The following GRM4 variants were observed in gnomAD, a reference collection of about 807,000 sequenced individuals.
GRM4 encodes the protein glutamate metabotropic receptor 4, also known as metabotropic glutamate receptor 4.
A neutral mutation model predicts 81.7 loss-of-function variants in GRM4; 28 were observed. The ratio of observed to expected loss-of-function variants is 0.34; its 90% CI spans 0.25 to 0.47. GRM4 has a LOEUF of 0.47. Among genes scored for constraint, GRM4 ranks in the 20% least tolerant of loss-of-function variants. The pLI, the probability that GRM4 is intolerant of heterozygous loss-of-function variation, is 1.00. For missense variants in GRM4, 948 were observed against 1,290.0 expected (o/e 0.73, Z 4.06); for synonymous variants, 488 against 528.8 (o/e 0.92, Z 1.06).
At chr6:34,062,882 C>G (rs1766257357) in intron 3 of GRM4, 1 of 152,112 alleles carries the variant, frequency 6.6e-6, no homozygotes, top group Non-Finnish European at 1.5e-5. Flanking sequence ...TACAGAGCAT[C>G]TGTGGGCCAT....
intron 2 of GRM4, among the ~76,000 whole-genome samples, chr6:34,112,089 G>A (rs1256427251): frequency 6.6e-6 from 1 of 152,152 alleles, no homozygotes; most frequent in Non-Finnish European, 1.5e-5. Context: ...AGCAGTGCCT[G>A]TAATTTGTTT....
chr6:34,153,714 C>T (rs745772190), intron 1 of GRM4, among the ~76,000 whole-genome samples: 8 of 152,182 alleles, frequency 5.3e-5, no homozygotes, highest in South Asian at 2.1e-4. Flanking sequence ...GGTGAAACCC[C>T]GTTTCTACTA....
rs1763831066 is a variant in GRM4, at chr6:34,020,488, G to T, written c.*2333C>A. On this transcript the variant is annotated 3_prime_UTR_variant, in exon 11 of 11. Transcript: ENST00000538487. ...GTGCTGCCAGAGTCACCCTGGGGGAGAGCTGGCTGCACCCGCTTCTGCATT... is the reference window on the plus strand; with the variant it reads ...GTGCTGCCAGAGTCACCCTGGGGGATAGCTGGCTGCACCCGCTTCTGCATT... The T allele has an allele frequency of 6.6e-6, 1 of 152,128 alleles. No individual in the cohort carries two copies. Among genetic ancestry groups the T allele is most frequent in the African/African-American group, 2.4e-5 (1 of 41,402 alleles). The allele number at this position is 152,128 out of a possible 1,614,324, so 9.4% of individuals were successfully genotyped here. A position where few individuals can be genotyped will look rare whatever the true frequency, so the allele number is the denominator to read the frequency against.
At chr6:34,097,920 C>G (rs750601569) in intron 2 of GRM4, among the ~76,000 whole-genome samples, 5 of 152,238 alleles carry the variant, frequency 3.3e-5, no homozygotes, top group Non-Finnish European at 7.3e-5. Flanking sequence ...CCACACTCCT[C>G]TTCCTGTGAC....
intron 2 of GRM4, among the ~76,000 whole-genome samples, chr6:34,095,325 C>A (rs980148295): frequency 2.0e-5 from 3 of 152,178 alleles, no homozygotes; most frequent in Non-Finnish European, 2.9e-5. Flanking sequence ...GCTCTCCCCG[C>A]AGCCTCCCTC....
At chr6:34,029,939 A>G (rs1177330735) in intron 9 of GRM4, among the ~76,000 whole-genome samples, 2 of 152,216 alleles carry the variant, frequency 1.3e-5, no homozygotes, top group Non-Finnish European at 2.9e-5. Flanking sequence ...TCACAGGCCC[A>G]GGGAAAATGA....
rs1046413951 is a variant in GRM4 at position 34,020,536 on chromosome 6, C to G, written c.*2285G>C. On this transcript the variant is annotated 3_prime_UTR_variant, in exon 11 of 11. Transcript: ENST00000538487. ...ATTCCCCATCCCTACCCCCCACCCC[C>G]CCACCCCCAACTGCCCTGGAAGCTT... 1.4e-4 allele frequency: 19 copies of G among 139,834 alleles called. No individual in the cohort carries two copies. The highest frequency in any genetic ancestry group is 1.3e-3 in the Admixed American group (19 of 14,272). 8.7% of individuals were successfully genotyped at this position (139,834 alleles called of 1,614,324 possible). A position where few individuals can be genotyped will look rare whatever the true frequency, so the allele number is the denominator to read the frequency against.
intron 3 of GRM4, among the ~76,000 whole-genome samples, chr6:34,082,036 G>A (rs929068534): frequency 1.3e-4 from 18 of 136,720 alleles, no homozygotes; most frequent in East Asian, 4.3e-4. Flanking sequence ...GGGAGCCTGC[G>A]GGACAGATCC....
At chr6:34,087,127 A>G (rs951557731) in intron 3 of GRM4, among the ~76,000 whole-genome samples, 2 of 148,546 alleles carry the variant, frequency 1.3e-5, no homozygotes, top group African/African-American at 4.9e-5. Context: ...CCAATCTCCA[A>G]AAAAAAAAAG....
In GRM4 at chr6:34,106,519, AG is replaced by A. The variant is rs1769136430; in HGVS notation, c.520-14421del. Among the ~76,000 whole-genome samples the A allele has an allele frequency of 3.9e-5, 6 of 151,902 alleles. No individual in the cohort carries two copies. In the South Asian group the frequency reaches 1.2e-3, roughly 32 times the overall value. On this transcript the variant is annotated intron_variant, in intron 2 of 10. Transcript: ENST00000538487. The stretch of plus-strand genomic sequence containing the variant: ...AGGCCTCTACACGACCTGCACCATT[AG>A]CCCCCTGGCCTCCCTTCCTACCACC...
Position 34,094,250 on chromosome 6 carries a change from C to T in GRM4, c.520-2151G>A, listed in dbSNP as rs115427737. Among the ~76,000 whole-genome samples the T allele has an allele frequency of 9.1e-4, 139 of 152,232 alleles. 2 individuals carry two copies. The East Asian group carries it at 0.022, about 24-fold the overall frequency. Reference sequence around the variant, plus strand: ...GCCTCAGGGGAGGAAAGCAAGTGGCCGAGACAGGATATGGCAGGGACCTTT... The same window carrying T: ...GCCTCAGGGGAGGAAAGCAAGTGGCTGAGACAGGATATGGCAGGGACCTTT... On this transcript the variant is annotated intron_variant, in intron 2 of 10. Coordinates refer to ENST00000538487, the MANE Select transcript of GRM4 (RefSeq NM_000841.4).
exon 1 of GRM4, chr6:34,155,271 G>A: frequency 6.5e-7 from 1 of 1,534,574 alleles, no homozygotes; most frequent in Non-Finnish European, 8.7e-7. Context: ...GGCAGGTGAG[G>A]TTTCCTTGGT....
chr6:34,113,618 G>A (rs900676127), intron 2 of GRM4, among the ~76,000 whole-genome samples: 5 of 152,196 alleles, frequency 3.3e-5, no homozygotes, highest in African/African-American at 1.2e-4. Flanking sequence ...ATGGGGCTCT[G>A]CAGAACTGCC....
At chr6:34,145,115 C>T (rs921769325) in intron 1 of GRM4, among the ~76,000 whole-genome samples, 1 of 151,998 alleles carries the variant, frequency 6.6e-6, no homozygotes, top group Admixed American at 6.5e-5. Context: ...TAAGCCGCGG[C>T]GAGGGGTCGG....
At chr6:34,102,125 C>T (rs1352009413) in intron 2 of GRM4, 36 of 1,535,440 alleles carry the variant, frequency 2.3e-5, no homozygotes, top group Non-Finnish European at 3.1e-5. Context: ...CACCATCTTG[C>T]AGCCAGCCGG....
At chr6:34,084,755 T>C (rs1038553080) in intron 3 of GRM4, among the ~76,000 whole-genome samples, 3 of 152,174 alleles carry the variant, frequency 2.0e-5, no homozygotes, top group Non-Finnish European at 4.4e-5. Flanking sequence ...CATCTGCCTG[T>C]TCATTCACAC....
intron 2 of GRM4, among the ~76,000 whole-genome samples, chr6:34,131,161 C>G (rs1213939290): frequency 6.6e-6 from 1 of 152,224 alleles, no homozygotes; most frequent in South Asian, 2.1e-4. Flanking sequence ...AGGACTGAAC[C>G]AGGCTACCAT....
At chr6:34,108,691 C>T (rs916092745) in intron 2 of GRM4, among the ~76,000 whole-genome samples, 4 of 152,212 alleles carry the variant, frequency 2.6e-5, no homozygotes, top group Non-Finnish European at 5.9e-5. Flanking sequence ...CCTGCAGAGA[C>T]CTCCCAATGT....
intron 2 of GRM4, among the ~76,000 whole-genome samples, chr6:34,103,118 GC>G (rs1036281167): frequency 1.3e-5 from 2 of 152,174 alleles, no homozygotes; most frequent in Non-Finnish European, 1.5e-5. Context: ...CTGGGAAGCT[GC>G]CCCATGCCAC....
Sources: gnomAD v4.1 joint callset for allele counts (sites outside exome capture counted in the v4.1 genomes callset) on GRCh38, gnomAD v4.1.1 for gene constraint, MANE v1.5 for transcripts, NCBI Gene and HGNC (gene_info 2026-07-23, HGNC 2026-07-21) for gene names.